ARFIP1: variants seen among roughly 807,000 people sequenced by gnomAD.
The protein encoded by ARFIP1 is ARF interacting protein 1.
ARFIP1 carries 24 observed loss-of-function variants against 42.5 expected under a neutral mutation model. The ratio of observed to expected loss-of-function variants is 0.57; its 90% confidence interval spans 0.41 to 0.80. The LOEUF (loss-of-function observed/expected upper bound fraction) is 0.80, where lower values mean the gene tolerates loss of function less well. ARFIP1 is among the 30% of genes least tolerant of loss of function. The pLI is 0.00. For synonymous variants in ARFIP1, 141 were observed against 153.7 expected (o/e 0.92, Z 0.61); for missense variants, 354 against 434.0 (o/e 0.82, Z 1.64).
At position 152,870,851 on chromosome 4, in the gene ARFIP1, A is replaced by T; in HGVS notation, c.298+3A>T. On this transcript the variant is annotated splice_donor_region_variant and intron_variant, in intron 4 of 8. Coordinates refer to ENST00000353617, the MANE Select transcript of ARFIP1 (RefSeq NM_001025595.3). ...AAGTGATTTAATTGTTCCTGCAGGT[A>T]TTCACTGCACTGATTGGATAAAGCA... 1.2e-6 allele frequency: 2 copies of T among 1,608,058 alleles called. No homozygotes were observed. Among genetic ancestry groups the T allele is most frequent in the East Asian group, 4.5e-5 (2 of 44,834 alleles).
intron 1 of ARFIP1, among the ~76,000 whole-genome samples, chr4:152,817,949 A>G (rs916150884): frequency 7.2e-5 from 11 of 152,252 alleles, no homozygotes; most frequent in African/African-American, 2.7e-4. Context: ...AGAAAAAAAC[A>G]GTAAATAACA....
chr4:152,907,291 T>C (rs1430632532), intron 8 of ARFIP1, among the ~76,000 whole-genome samples: 4 of 152,200 alleles, frequency 2.6e-5, no homozygotes, highest in Non-Finnish European at 4.4e-5. Flanking sequence ...TTGTGAACAG[T>C]GCAAGTCTTC....
At chr4:152,842,013 A>T (rs1302150296) in intron 2 of ARFIP1, among the ~76,000 whole-genome samples, 2 of 152,180 alleles carry the variant, frequency 1.3e-5, no homozygotes, top group African/African-American at 4.8e-5. Flanking sequence ...GGACTGAGAG[A>T]CAGGACTAGC....
In ARFIP1 at chr4:152,911,506, A is replaced by G. The variant is rs976381006; in HGVS notation, c.*1287A>G. 2.6e-5 allele frequency: 4 copies of G among 152,416 alleles called. No individual in the cohort carries two copies. The highest frequency in any genetic ancestry group is 1.3e-4 in the Admixed American group (2 of 15,278). 9.4% of individuals were successfully genotyped at this position (152,416 alleles called of 1,614,324 possible). A position where few individuals can be genotyped will look rare whatever the true frequency, so the allele number is the denominator to read the frequency against. On this transcript the variant is annotated 3_prime_UTR_variant, in exon 9 of 9. Coordinates refer to ENST00000353617, the MANE Select transcript of ARFIP1 (RefSeq NM_001025595.3). ...GTTGCCCTGTCCACTACATGGTTCT[A>G]TCAGTAGTGTAATCCATTTTCAATG...
At chr4:152,864,774 G>T (rs1038057552) in intron 3 of ARFIP1, among the ~76,000 whole-genome samples, 5 of 152,122 alleles carry the variant, frequency 3.3e-5, no homozygotes, top group African/African-American at 7.2e-5. Context: ...TCAAGTTGCC[G>T]CATGCCAGCC....
At chr4:152,880,350 C>CA (rs200632915) in intron 5 of ARFIP1, among the ~76,000 whole-genome samples, 1,506 of 125,500 alleles carry the variant, frequency 0.012, 22 homozygotes, top group African/African-American at 0.039. Context: ...CCATCTCAGA[C>CA]AAAAAAAAAA....
At chr4:152,799,788 A>G (rs1463697118) in intron 1 of ARFIP1, among the ~76,000 whole-genome samples, 1 of 152,218 alleles carries the variant, frequency 6.6e-6, no homozygotes, top group Non-Finnish European at 1.5e-5. Flanking sequence ...GGAAAGATTG[A>G]CAGCCTAGCC....
At chr4:152,904,551 CGGCAACCCCCCGACA>C (rs1738144083) in intron 8 of ARFIP1, among the ~76,000 whole-genome samples, 4 of 152,042 alleles carry the variant, frequency 2.6e-5, no homozygotes. Flanking sequence ...CTCCCTCCTC[CGGCAACCCCCCGACA>C]GGCCCCAGTG....
intron 7 of ARFIP1, among the ~76,000 whole-genome samples, chr4:152,886,465 T>C (rs1736272273): frequency 6.6e-6 from 1 of 152,022 alleles, no homozygotes; most frequent in Non-Finnish European, 1.5e-5. Context: ...TCATTGTATC[T>C]TACAAATCTA....
chr4:152,863,868 T>C (rs1055395197), intron 3 of ARFIP1, among the ~76,000 whole-genome samples, 154 bp downstream of exon 3: 12 of 152,210 alleles, frequency 7.9e-5, no homozygotes, highest in Non-Finnish European at 1.5e-4. Flanking sequence ...TCAATTTAAG[T>C]AATAGAATTA....
At chr4:152,894,373 G>A (rs144802577) in intron 8 of ARFIP1, among the ~76,000 whole-genome samples, 498 of 152,202 alleles carry the variant, frequency 3.3e-3, no homozygotes, top group Non-Finnish European at 5.6e-3. Flanking sequence ...ATAGATACTT[G>A]TTGCCAAAGT....
At chr4:152,801,543 A>G (rs1728420885) in intron 1 of ARFIP1, among the ~76,000 whole-genome samples, 2 of 152,158 alleles carry the variant, frequency 1.3e-5, no homozygotes, top group South Asian at 2.1e-4. Flanking sequence ...TATTTGCCTT[A>G]TTCATTCATT....
chr4:152,802,830 G>A (rs1728528396), intron 1 of ARFIP1, among the ~76,000 whole-genome samples: 1 of 152,144 alleles, frequency 6.6e-6, no homozygotes, highest in Admixed American at 6.6e-5. Context: ...GTCTTTGGAT[G>A]ACTCTTATTT....
chr4:152,863,723 C>A lies in ARFIP1; in HGVS notation c.202+9C>A. ...AGCAGGAGCATTTCAAGGTAAGAGC[C>A]CATATATTTGTAAAGATGGCTGGGA... On this transcript the variant is annotated intron_variant, in intron 3 of 8. Coordinates refer to ENST00000353617, the MANE Select transcript of ARFIP1 (RefSeq NM_001025595.3). 1 of 1,554,908 alleles carries A rather than the reference C, an allele frequency of 6.4e-7. No individual in the cohort carries two copies. Among genetic ancestry groups the A allele is most frequent in the Non-Finnish European group, 8.9e-7 (1 of 1,129,684 alleles).
intron 1 of ARFIP1, among the ~76,000 whole-genome samples, 160 bp from the exon 2 acceptor site, chr4:152,829,465 G>A (rs999351687): frequency 2.0e-5 from 3 of 152,074 alleles, no homozygotes; most frequent in African/African-American, 7.2e-5. Flanking sequence ...CAGCCAGATG[G>A]AATTTTAAAA....
At chr4:152,853,532 T>C (rs962483290) in intron 2 of ARFIP1, among the ~76,000 whole-genome samples, 5 of 152,230 alleles carry the variant, frequency 3.3e-5, no homozygotes, top group Non-Finnish European at 5.9e-5. Context: ...CTGATAGTCT[T>C]ATGGGGGTTC....
chr4:152,824,516 C>T (rs1730657969), intron 1 of ARFIP1, among the ~76,000 whole-genome samples: 1 of 152,086 alleles, frequency 6.6e-6, no homozygotes, highest in South Asian at 2.1e-4. Context: ...AAACCCTCAA[C>T]AAACTAGGCA....
intron 7 of ARFIP1, among the ~76,000 whole-genome samples, chr4:152,883,699 T>C (rs1736036408): frequency 6.6e-6 from 1 of 151,036 alleles, no homozygotes; most frequent in Admixed American, 6.6e-5. Context: ...TATTAATAAA[T>C]ATATTAATAA....
chr4:152,903,791 T>G (rs1223838010), intron 8 of ARFIP1, among the ~76,000 whole-genome samples: 2 of 152,174 alleles, frequency 1.3e-5, no homozygotes. Flanking sequence ...AGTGGGCTAC[T>G]GAGTCTTCCT....
Sources: gnomAD v4.1 joint callset for allele counts (sites outside exome capture counted in the v4.1 genomes callset) on GRCh38, gnomAD v4.1.1 for gene constraint, MANE v1.5 for transcripts, NCBI Gene and HGNC (gene_info 2026-07-23, HGNC 2026-07-21) for gene names.